The following SFMBT1 variants were observed in gnomAD, a reference collection of about 807,000 sequenced individuals.
The protein encoded by SFMBT1 is scm-like with four MBT domains protein 1.
A neutral mutation model predicts 108.7 loss-of-function variants in SFMBT1; 32 were observed. The ratio of observed to expected loss-of-function variants is 0.29; its 90% CI spans 0.22 to 0.40. The LOEUF (loss-of-function observed/expected upper bound fraction) is 0.40. SFMBT1 is among the 10% of genes least tolerant of loss of function. The pLI is 1.00. For synonymous variants in SFMBT1, 348 were observed against 369.5 expected (o/e 0.94, Z 0.67); for missense variants, 816 against 1,059.6 (o/e 0.77, Z 3.19).
At chr3:52,984,210 T>C (rs953083186) in intron 1 of SFMBT1, among the ~76,000 whole-genome samples, 6 of 152,164 alleles carry the variant, frequency 3.9e-5, no homozygotes, top group Non-Finnish European at 7.3e-5. Flanking sequence ...CAGTGCAAAA[T>C]AGGGCAATAT....
chr3:53,044,970 T>C (rs1013233604), intron 1 of SFMBT1: 26 of 152,352 alleles, frequency 1.7e-4, no homozygotes, highest in Admixed American at 5.9e-4. Context: ...AATTTATTTC[T>C]GTTCGCACAA....
chr3:52,962,385 G>A (rs1242706165), intron 2 of SFMBT1, among the ~76,000 whole-genome samples: 1 of 152,220 alleles, frequency 6.6e-6, no homozygotes, highest in Non-Finnish European at 1.5e-5. Flanking sequence ...TATGTATTCA[G>A]TACAGGTTGC....
In SFMBT1 at chr3:52,909,511, A is replaced by T. The variant is rs559046689; in HGVS notation, c.1906+1492T>A. Reference sequence around the variant, plus strand: ...TACTAAGTATGGACCTTGGATCAATAGCATCAGTGGCATCTGGGAACTTGT... The same window carrying T: ...TACTAAGTATGGACCTTGGATCAATTGCATCAGTGGCATCTGGGAACTTGT... On this transcript the variant is annotated intron_variant, in intron 17 of 20. Transcript: ENST00000394752. Among the ~76,000 whole-genome samples the T allele has an allele frequency of 2.1e-3, 326 of 152,342 alleles. 3 individuals are homozygous for T. The highest frequency in any genetic ancestry group is 7.7e-3 in the African/African-American group (319 of 41,574).
chr3:52,969,351 A>G (rs1027648330), intron 1 of SFMBT1, 93 bp from the exon 2 acceptor site: 2 of 1,282,962 alleles, frequency 1.6e-6, no homozygotes, highest in Non-Finnish European at 2.0e-6. Flanking sequence ...GAGAGATGAC[A>G]TAAGACAAAA....
intron 2 of SFMBT1, among the ~76,000 whole-genome samples, chr3:52,955,689 T>C (rs1703755933): frequency 6.6e-6 from 1 of 151,994 alleles, no homozygotes; most frequent in Non-Finnish European, 1.5e-5. Flanking sequence ...CAATAATGAG[T>C]TCTCAAATTG....
chr3:53,032,318 C>T (rs1190048430), intron 1 of SFMBT1, among the ~76,000 whole-genome samples: 13 of 152,122 alleles, frequency 8.5e-5, no homozygotes, highest in East Asian at 1.9e-4. Context: ...TGCAGTGAGC[C>T]GGGATCACAC....
chr3:53,026,864 A>C (rs974453926), intron 1 of SFMBT1, among the ~76,000 whole-genome samples: 1 of 152,190 alleles, frequency 6.6e-6, no homozygotes. Context: ...AAGATGGTGC[A>C]ATCACGGCTT....
chr3:52,980,739 GTGAAT>G (rs1704682402), intron 1 of SFMBT1, among the ~76,000 whole-genome samples: 1 of 152,040 alleles, frequency 6.6e-6, no homozygotes, highest in African/African-American at 2.4e-5. Flanking sequence ...CGCATTTTGT[GTGAAT>G]TATGTTTTTA....
At chr3:52,959,408 C>T (rs1004121878) in intron 2 of SFMBT1, among the ~76,000 whole-genome samples, 2 of 152,170 alleles carry the variant, frequency 1.3e-5, no homozygotes, top group African/African-American at 2.4e-5. Flanking sequence ...CTGTGGGACA[C>T]TACAAAGGCC....
intron 12 of SFMBT1, among the ~76,000 whole-genome samples, chr3:52,919,589 C>G (rs142242861): frequency 2.0e-5 from 3 of 152,106 alleles, no homozygotes; most frequent in Non-Finnish European, 4.4e-5. Context: ...ATAGCTGGTA[C>G]GTCAATTGTA....
intron 1 of SFMBT1, among the ~76,000 whole-genome samples, chr3:53,013,873 C>T (rs1437395738): frequency 6.6e-6 from 1 of 152,014 alleles, no homozygotes; most frequent in Non-Finnish European, 1.5e-5. Context: ...AGGTAATCCG[C>T]CCATCTCAGC....
rs992076222 is a variant in SFMBT1 at position 52,903,959 on chromosome 3, G to T, written c.*1177C>A. The T allele has an allele frequency of 6.6e-6, 1 of 152,174 alleles. No individual in the cohort carries two copies. The highest frequency in any genetic ancestry group is 2.4e-5 in the African/African-American group (1 of 41,428). 9.4% of individuals were successfully genotyped at this position (152,174 alleles called of 1,614,324 possible). A position where few individuals can be genotyped will look rare whatever the true frequency, so the allele number is the denominator to read the frequency against. On this transcript the variant is annotated 3_prime_UTR_variant, in exon 21 of 21. Coordinates refer to ENST00000394752, the MANE Select transcript of SFMBT1 (RefSeq NM_016329.4). ...ATTAGCTGAAAAAAGTCTAAGTGTG[G>T]CTAGGCAAAGAGGTTTCCAGAATCC...
intron 17 of SFMBT1, among the ~76,000 whole-genome samples, chr3:52,909,077 A>G (rs1426917895): frequency 6.6e-6 from 1 of 152,250 alleles, no homozygotes; most frequent in Non-Finnish European, 1.5e-5. Context: ...ATATCAAAAT[A>G]TAATACAATT....
intron 4 of SFMBT1, among the ~76,000 whole-genome samples, chr3:52,936,052 T>A (rs1702997192): frequency 6.6e-6 from 1 of 152,202 alleles, no homozygotes; most frequent in Non-Finnish European, 1.5e-5. Context: ...GGTGAAAGAA[T>A]ACTTCACAAG....
At chr3:53,041,018 T>C (rs1474897232) in intron 1 of SFMBT1, among the ~76,000 whole-genome samples, 1 of 132,478 alleles carries the variant, frequency 7.5e-6, no homozygotes, top group African/African-American at 2.9e-5. Flanking sequence ...AGACAGGGCT[T>C]CCCTATGTTG....
At chr3:53,009,887 A>G (rs1575436609) in intron 1 of SFMBT1, among the ~76,000 whole-genome samples, 1 of 152,240 alleles carries the variant, frequency 6.6e-6, no homozygotes, top group East Asian at 1.9e-4. Flanking sequence ...ATTATCATAA[A>G]GGTTTTCATC....
chr3:52,952,069 G>A (rs571870642), intron 3 of SFMBT1, among the ~76,000 whole-genome samples: 2 of 152,230 alleles, frequency 1.3e-5, no homozygotes, highest in African/African-American at 4.8e-5. Flanking sequence ...ACTAAAAATA[G>A]TGGGACTCGC....
chr3:52,937,530 C>T (rs1703050576), intron 4 of SFMBT1, among the ~76,000 whole-genome samples: 1 of 151,492 alleles, frequency 6.6e-6, no homozygotes, highest in Non-Finnish European at 1.5e-5. Flanking sequence ...TCTATTCCTA[C>T]CTCCTTCATT....
chr3:52,920,359 T>A (rs1482775740), intron 12 of SFMBT1, among the ~76,000 whole-genome samples, 178 bp downstream of exon 12: 2 of 152,210 alleles, frequency 1.3e-5, no homozygotes, highest in African/African-American at 4.8e-5. Context: ...CCCAAATTCC[T>A]GACCCACAGA....
Sources: allele counts gnomAD v4.1 joint callset (sites outside exome capture counted in the v4.1 genomes callset), GRCh38; gene constraint gnomAD v4.1.1; transcripts MANE v1.5; gene names NCBI Gene and HGNC (gene_info 2026-07-23, HGNC 2026-07-21).